NRP1: variants seen among roughly 807,000 people sequenced by gnomAD.
The protein encoded by NRP1 is neuropilin 1.
A neutral mutation model predicts 106.7 loss-of-function variants in NRP1; 35 were observed. The ratio of observed to expected loss-of-function variants is 0.33; its 90% CI spans 0.25 to 0.43. NRP1 has a LOEUF of 0.43. Ranked by LOEUF, NRP1 falls within the 20% of genes least tolerant of loss-of-function variation. The pLI, the probability that NRP1 is intolerant of heterozygous loss-of-function variation, is 1.00. For missense variants in NRP1, 1,024 were observed against 1,170.4 expected, an observed-to-expected ratio of 0.87 and a Z score of 1.83; for synonymous variants, 437 against 417.9, an observed-to-expected ratio of 1.05 and a Z score of -0.56.
chr10:33,332,775 G>T (rs1848374226), intron 1 of NRP1, among the ~76,000 whole-genome samples: 1 of 152,136 alleles, frequency 6.6e-6, no homozygotes, highest in South Asian at 2.1e-4. Context: ...GCATTTTCTG[G>T]CTCTGGTCAC....
chr10:33,229,550 G>C lies in NRP1; in HGVS notation c.982-3261C>G, dbSNP rs189350194. Among the ~76,000 whole-genome samples the C allele has an allele frequency of 3.3e-5, 5 of 152,302 alleles. No individual in the cohort carries two copies. In the East Asian group the frequency reaches 9.7e-4, roughly 29 times the overall value. On this transcript the variant is annotated intron_variant, in intron 6 of 16. Transcript: ENST00000374867. ...AGTTTGGAAATGATTAAATTCCCAA[G>C]AGTGTGTATTCAGCTTGGGCTGATT...
chr10:33,203,765 G>A (rs1220341120), intron 10 of NRP1, among the ~76,000 whole-genome samples: 1 of 64,368 alleles, frequency 1.6e-5, no homozygotes, highest in Non-Finnish European at 3.0e-5. Context: ...ACGGAGTCTC[G>A]CTCTGTCGCC....
intron 14 of NRP1, 74 bp from the exon 15 acceptor site, chr10:33,185,798 G>C: frequency 7.9e-7 from 1 of 1,271,240 alleles, no homozygotes; most frequent in African/African-American, 1.5e-5. Context: ...TGCTTGTTCA[G>C]CTCCAGCTAC....
At chr10:33,229,683 T>A (rs1380232246) in intron 6 of NRP1, among the ~76,000 whole-genome samples, 2 of 152,030 alleles carry the variant, frequency 1.3e-5, no homozygotes, top group Admixed American at 6.6e-5. Flanking sequence ...TAACTGGTGA[T>A]CAAACAGAAG....
chr10:33,263,226 C>T (rs1842692608), intron 4 of NRP1, among the ~76,000 whole-genome samples: 1 of 152,166 alleles, frequency 6.6e-6, no homozygotes, highest in African/African-American at 2.4e-5. Context: ...CCTCTCAGGT[C>T]CTTGGTCTCT....
chr10:33,305,850 C>A (rs1846114009), intron 2 of NRP1, among the ~76,000 whole-genome samples: 1 of 151,976 alleles, frequency 6.6e-6, no homozygotes, highest in South Asian at 2.1e-4. Flanking sequence ...CTCACTGCAA[C>A]TTCCGCCTCC....
intron 8 of NRP1, among the ~76,000 whole-genome samples, chr10:33,217,570 T>C (rs929581409): frequency 1.2e-4 from 18 of 152,174 alleles, no homozygotes; most frequent in Non-Finnish European, 1.9e-4. Context: ...CCTTTGGAAA[T>C]AGTGTTGCCA....
At chr10:33,277,197 T>C (rs141211199) in intron 2 of NRP1, among the ~76,000 whole-genome samples, 1 of 152,130 alleles carries the variant, frequency 6.6e-6, no homozygotes, top group Non-Finnish European at 1.5e-5. Flanking sequence ...TGAAAAATGC[T>C]TATGATATAA....
intron 2 of NRP1, among the ~76,000 whole-genome samples, chr10:33,319,379 G>A (rs985157010): frequency 1.3e-5 from 2 of 152,012 alleles, no homozygotes; most frequent in Middle Eastern, 3.4e-3. Context: ...ACCAATCAGC[G>A]CTCTGTAGCT....
intron 6 of NRP1, among the ~76,000 whole-genome samples, chr10:33,237,899 G>A (rs12765284): frequency 0.13 from 19,076 of 151,834 alleles, 1,573 homozygotes; most frequent in East Asian, 0.5. Flanking sequence ...AAATTCCTTC[G>A]GAGAGCAAAG....
At chr10:33,263,494 A>G (rs1446100538) in intron 4 of NRP1, 152 bp downstream of exon 4, 5 of 591,898 alleles carry the variant, frequency 8.4e-6, no homozygotes, top group Non-Finnish European at 1.5e-5. Flanking sequence ...CAAATATTTC[A>G]TCACTGCTCT....
chr10:33,251,853 T>A (rs1262923021), intron 6 of NRP1, among the ~76,000 whole-genome samples: 4 of 151,752 alleles, frequency 2.6e-5, no homozygotes, highest in Non-Finnish European at 4.4e-5. Flanking sequence ...GATACGGGAG[T>A]GCTGGGAAGG....
chr10:33,189,030 C>T (rs898201195), intron 13 of NRP1, among the ~76,000 whole-genome samples: 17 of 151,146 alleles, frequency 1.1e-4, no homozygotes, highest in Admixed American at 8.6e-4. Flanking sequence ...AAAGAGGGAG[C>T]GCTGGCAGCC....
intron 13 of NRP1, among the ~76,000 whole-genome samples, chr10:33,191,659 T>C (rs1217747392): frequency 5.9e-5 from 9 of 152,048 alleles, no homozygotes; most frequent in Admixed American, 4.6e-4. Context: ...ATGTTTGAAA[T>C]TGCCCAAAAT....
chr10:33,322,503 C>T (rs542725709), intron 2 of NRP1, among the ~76,000 whole-genome samples: 1 of 152,114 alleles, frequency 6.6e-6, no homozygotes, highest in African/African-American at 2.4e-5. Flanking sequence ...CCTGCCTTGG[C>T]CCCCAAAAGC....
At chr10:33,327,599 A>G (rs187913982) in intron 2 of NRP1, among the ~76,000 whole-genome samples, 1 of 152,288 alleles carries the variant, frequency 6.6e-6, no homozygotes, top group Non-Finnish European at 1.5e-5. Flanking sequence ...TGTTTGTAGG[A>G]ATCTAATCTA....
Position 33,311,356 on chromosome 10 carries a change from T to A in NRP1, c.248+19352A>T, listed in dbSNP as rs1022872561. ...TTTAGAGCATGATCTAGGTCCCAGG[T>A]GGGCCTGCCTTGGGGGCTGCAGATG... On this transcript the variant is annotated intron_variant, in intron 2 of 16. Coordinates refer to ENST00000374867, the MANE Select transcript of NRP1 (RefSeq NM_003873.7). Among the ~76,000 whole-genome samples the A allele has an allele frequency of 7.9e-5, 12 of 152,304 alleles. No homozygotes were observed. In the East Asian group the frequency reaches 2.1e-3, roughly 27 times the overall value.
chr10:33,264,788 G>A (rs1474530626), intron 3 of NRP1, among the ~76,000 whole-genome samples: 1 of 152,048 alleles, frequency 6.6e-6, no homozygotes, highest in African/African-American at 2.4e-5. Flanking sequence ...AGCATAGGGT[G>A]GTATTCACTA....
At chr10:33,283,598 T>C (rs1197215295) in intron 2 of NRP1, among the ~76,000 whole-genome samples, 1 of 152,242 alleles carries the variant, frequency 6.6e-6, no homozygotes, top group African/African-American at 2.4e-5. Flanking sequence ...TTGTTTATTG[T>C]CTAGCCAGTA....
Sources: allele counts gnomAD v4.1 joint callset (sites outside exome capture counted in the v4.1 genomes callset), GRCh38; gene constraint gnomAD v4.1.1; transcripts MANE v1.5; gene names NCBI Gene and HGNC (gene_info 2026-07-23, HGNC 2026-07-21).